The following UST variants were observed in gnomAD, a reference collection of about 807,000 sequenced individuals.
UST encodes the protein uronyl 2-sulfotransferase.
In UST, 21 loss-of-function variants were observed where a neutral mutation model predicts 45.6. The ratio of observed to expected loss-of-function variants is 0.46; its 90% CI spans 0.33 to 0.66. The LOEUF (loss-of-function observed/expected upper bound fraction) is 0.66, where lower values mean the gene tolerates loss of function less well. Ranked by LOEUF, UST falls within the 30% of genes least tolerant of loss-of-function variation. UST has a pLI of 0.02. For synonymous variants in UST, 215 were observed against 200.6 expected (o/e 1.07, Z -0.61); for missense variants, 463 against 512.4 (o/e 0.90, Z 0.93).
In UST at chr6:148,794,563, C is replaced by A. The variant is rs144406720; in HGVS notation, c.247+46886C>A. The stretch of plus-strand genomic sequence containing the variant: ...CAACCTTTTTTAAAAAGTCAGTGTC[C>A]TCCCATTTAGAAATAGTTGATGAAC... On this transcript the variant is annotated intron_variant, in intron 1 of 7. Transcript: ENST00000367463. Among the ~76,000 whole-genome samples, 6 of 152,196 alleles carry A rather than the reference C, an allele frequency of 3.9e-5. No individual in the cohort carries two copies. In the East Asian group the frequency reaches 1.2e-3, roughly 29 times the overall value.
At position 148,901,634 on chromosome 6, in the gene UST, T is replaced by C. The variant is rs1033124046; in HGVS notation, c.291+14605T>C. 2.0e-5 allele frequency among the ~76,000 whole-genome samples: 3 copies of C among 151,234 alleles called. No individual in the cohort carries two copies. The Admixed American group carries it at 2.0e-4, about 10-fold the overall frequency. On this transcript the variant is annotated intron_variant, in intron 2 of 7. Transcript: ENST00000367463. Reference sequence around the variant, plus strand: ...GTGCAATGGTGTGATCTTAGCTCACTGCAACCTCTGCCTCCCGGGTTCAAA... The same window carrying C: ...GTGCAATGGTGTGATCTTAGCTCACCGCAACCTCTGCCTCCCGGGTTCAAA...
At chr6:148,892,679 AAC>A (rs1168043786) in intron 2 of UST, among the ~76,000 whole-genome samples, 1 of 152,236 alleles carries the variant, frequency 6.6e-6, no homozygotes, top group African/African-American at 2.4e-5. Flanking sequence ...AGAAAAATAG[AAC>A]ATTTTCATCA....
chr6:148,949,045 C>G (rs1161952951), intron 3 of UST, among the ~76,000 whole-genome samples: 3 of 152,110 alleles, frequency 2.0e-5, no homozygotes, highest in Non-Finnish European at 4.4e-5. Context: ...AATCCTAGCA[C>G]TTTGGCAGGC....
At chr6:148,837,032 C>T (rs918218872) in intron 1 of UST, among the ~76,000 whole-genome samples, 3 of 152,228 alleles carry the variant, frequency 2.0e-5, no homozygotes, top group South Asian at 4.1e-4. Context: ...TAGATCATTC[C>T]GTGGATATTT....
chr6:148,850,836 G>A (rs1220948050), intron 1 of UST, among the ~76,000 whole-genome samples: 1 of 152,196 alleles, frequency 6.6e-6, no homozygotes, highest in Non-Finnish European at 1.5e-5. Context: ...CCACTCGGAC[G>A]AGGCCTTCAA....
chr6:148,880,408 C>T (rs1236957871), intron 1 of UST, among the ~76,000 whole-genome samples: 1 of 152,178 alleles, frequency 6.6e-6, no homozygotes, highest in Non-Finnish European at 1.5e-5. Context: ...CCTCCTAATT[C>T]CTAGAATCAG....
chr6:148,831,197 C>T (rs994211881), intron 1 of UST, among the ~76,000 whole-genome samples: 2 of 152,210 alleles, frequency 1.3e-5, no homozygotes, highest in African/African-American at 2.4e-5. Flanking sequence ...AGACCAGCGC[C>T]GACTGTTTCG....
chr6:148,889,138 T>C (rs1246694391), intron 2 of UST, among the ~76,000 whole-genome samples: 4 of 152,170 alleles, frequency 2.6e-5, no homozygotes, highest in Non-Finnish European at 2.9e-5. Flanking sequence ...GGCCCCAGAG[T>C]GTCTGATTCA....
chr6:148,847,386 C>T (rs1312185505), intron 1 of UST, among the ~76,000 whole-genome samples: 2 of 152,248 alleles, frequency 1.3e-5, no homozygotes, highest in Non-Finnish European at 2.9e-5. Context: ...TTGTGGGCCT[C>T]AGTTGCCTGC....
At chr6:148,900,364 C>T (rs532145271) in intron 2 of UST, among the ~76,000 whole-genome samples, 1 of 152,278 alleles carries the variant, frequency 6.6e-6, no homozygotes, top group East Asian at 1.9e-4. Context: ...CCAATAATCC[C>T]CACGTGTTGT....
chr6:148,981,626 G>T (rs978726899), intron 5 of UST, among the ~76,000 whole-genome samples: 4 of 152,162 alleles, frequency 2.6e-5, no homozygotes, highest in Non-Finnish European at 5.9e-5. Flanking sequence ...CACACACAGG[G>T]TCTGACACAT....
chr6:149,060,092 A>T (rs1049586055), intron 7 of UST, among the ~76,000 whole-genome samples: 1 of 152,216 alleles, frequency 6.6e-6, no homozygotes, highest in African/African-American at 2.4e-5. Flanking sequence ...AAAGGAACCT[A>T]GCGGTTTCTG....
At chr6:149,039,522 CA>C (rs1776281157) in intron 7 of UST, among the ~76,000 whole-genome samples, 1 of 152,140 alleles carries the variant, frequency 6.6e-6, no homozygotes, top group Admixed American at 6.5e-5. Context: ...TTCTAATAGT[CA>C]CAGCGGCACG....
chr6:148,801,648 A>G (rs1430964985), intron 1 of UST, among the ~76,000 whole-genome samples: 4 of 152,070 alleles, frequency 2.6e-5, no homozygotes, highest in Non-Finnish European at 5.9e-5. Flanking sequence ...CTCTTTGGCC[A>G]TCAACTTCCA....
At chr6:148,767,270 G>A (rs1776341056) in intron 1 of UST, among the ~76,000 whole-genome samples, 1 of 152,216 alleles carries the variant, frequency 6.6e-6, no homozygotes, top group African/African-American at 2.4e-5. Context: ...TCACCAGTTT[G>A]ATTGTTCCAA....
chr6:148,869,010 T>C (rs1344879695), intron 1 of UST, among the ~76,000 whole-genome samples: 1 of 152,246 alleles, frequency 6.6e-6, no homozygotes, highest in Non-Finnish European at 1.5e-5. Flanking sequence ...CTTCCTGCTT[T>C]ACCTCTAGGG....
In UST at chr6:148,894,814, C is replaced by CTTTTTTTTT. The variant is rs760698349; in HGVS notation, c.291+7799_291+7807dup. Among the ~76,000 whole-genome samples, 41 of 93,694 alleles carry CTTTTTTTTT rather than the reference C, an allele frequency of 4.4e-4. 4 individuals are homozygous for CTTTTTTTTT. The highest frequency in any genetic ancestry group is 8.1e-4 in the African/African-American group (18 of 22,170). The allele number at this position is 93,694 out of a possible 152,430, so 61.5% of individuals were successfully genotyped here. On this transcript the variant is annotated intron_variant, in intron 2 of 7. Coordinates refer to ENST00000367463, the MANE Select transcript of UST (RefSeq NM_005715.3). ...GAAGCTTATCAGGATAATTTCAGTG[C>CTTTTTTTTT]TTTTTTTTTTTTTTTTTTTTTTGAG...
intron 5 of UST, among the ~76,000 whole-genome samples, chr6:148,995,238 G>T (rs1249261371): frequency 6.6e-6 from 1 of 152,144 alleles, no homozygotes; most frequent in Non-Finnish European, 1.5e-5. Flanking sequence ...GGCCAGGCTG[G>T]TCTCGAACTC....
chr6:148,939,232 C>T (rs868111221), intron 2 of UST, among the ~76,000 whole-genome samples: 2 of 152,286 alleles, frequency 1.3e-5, no homozygotes, highest in Middle Eastern at 3.4e-3. Context: ...CATCCATGTT[C>T]ATGGATTGGA....
Sources: gnomAD v4.1 joint callset for allele counts (sites outside exome capture counted in the v4.1 genomes callset) on GRCh38, gnomAD v4.1.1 for gene constraint, MANE v1.5 for transcripts, NCBI Gene and HGNC (gene_info 2026-07-23, HGNC 2026-07-21) for gene names.